CSMD3: variants seen among roughly 807,000 people sequenced by gnomAD.
CSMD3 encodes the protein CUB and sushi domain-containing protein 3.
A neutral mutation model predicts 435.2 loss-of-function variants in CSMD3; 177 were observed. That is an observed-to-expected ratio of 0.41 (90% confidence interval 0.36 to 0.46). The LOEUF (loss-of-function observed/expected upper bound fraction) is 0.46, where lower values mean the gene tolerates loss of function less well. CSMD3 is among the 20% of genes least tolerant of loss of function. CSMD3 has a pLI of 0.34. For synonymous variants in CSMD3, 1,656 were observed against 1,520.5 expected (o/e 1.09, Z -2.07); for missense variants, 4,265 against 4,504.6 (o/e 0.95, Z 1.52).
chr8:113,169,247 T>C (rs559980206), intron 4 of CSMD3, among the ~76,000 whole-genome samples: 1 of 152,302 alleles, frequency 6.6e-6, no homozygotes, highest in African/African-American at 2.4e-5. Context: ...GGAAGATTTA[T>C]TTTTCTTTGT....
chr8:112,725,651 T>G (rs1174989464), intron 13 of CSMD3, among the ~76,000 whole-genome samples: 3 of 151,956 alleles, frequency 2.0e-5, no homozygotes, highest in Non-Finnish European at 4.4e-5. Context: ...AAACTGCTTT[T>G]ATTTGCTCTT....
At chr8:112,354,520 T>C (rs1248824545) in intron 38 of CSMD3, among the ~76,000 whole-genome samples, 1 of 152,184 alleles carries the variant, frequency 6.6e-6, no homozygotes, top group African/African-American at 2.4e-5. Flanking sequence ...ATTTAATCAA[T>C]GCACAAAAAT....
chr8:113,199,081 T>C (rs924749417), intron 3 of CSMD3, among the ~76,000 whole-genome samples: 5 of 149,218 alleles, frequency 3.4e-5, no homozygotes, highest in South Asian at 2.1e-4. Context: ...AAATTAAACA[T>C]ATATTTAACT....
intron 27 of CSMD3, among the ~76,000 whole-genome samples, chr8:112,528,596 G>A (rs976691785): frequency 6.6e-6 from 1 of 152,046 alleles, no homozygotes; most frequent in African/African-American, 2.4e-5. Flanking sequence ...AAAGTAGAAA[G>A]TCCTGTACAC....
chr8:112,950,831 T>G (rs1449841056), intron 8 of CSMD3, among the ~76,000 whole-genome samples: 2 of 151,952 alleles, frequency 1.3e-5, no homozygotes, highest in African/African-American at 4.8e-5. Context: ...GCAGAAACTA[T>G]GTCATTAACT....
At chr8:112,568,462 G>A (rs544469492) in intron 24 of CSMD3, among the ~76,000 whole-genome samples, 30 of 151,998 alleles carry the variant, frequency 2.0e-4, no homozygotes, top group African/African-American at 5.1e-4. Flanking sequence ...AGGCATGGTG[G>A]TGGGCGCCTG....
intron 27 of CSMD3, among the ~76,000 whole-genome samples, chr8:112,530,049 A>T (rs878955559): frequency 1.3e-5 from 2 of 152,168 alleles, no homozygotes; most frequent in Admixed American, 1.3e-4. Flanking sequence ...CCAGCAGCAG[A>T]CTAGATCAAG....
chr8:113,420,647 A>C (rs1333443113), intron 1 of CSMD3, among the ~76,000 whole-genome samples: 1 of 152,138 alleles, frequency 6.6e-6, no homozygotes, highest in Non-Finnish European at 1.5e-5. Context: ...ATGTAATATA[A>C]AGTAAGAAAT....
At chr8:112,890,918 T>C (rs2081767692) in intron 10 of CSMD3, among the ~76,000 whole-genome samples, 1 of 151,656 alleles carries the variant, frequency 6.6e-6, no homozygotes, top group Non-Finnish European at 1.5e-5. Context: ...TACATTGTCT[T>C]ATTACTTATT....
chr8:113,077,063 G>A (rs972245274), intron 5 of CSMD3, among the ~76,000 whole-genome samples: 41 of 152,188 alleles, frequency 2.7e-4, no homozygotes, highest in African/African-American at 9.6e-4. Context: ...GAGCATGGTG[G>A]TGGTTACAAG....
At chr8:113,364,007 A>T (rs1183536059) in intron 1 of CSMD3, among the ~76,000 whole-genome samples, 3 of 152,156 alleles carry the variant, frequency 2.0e-5, no homozygotes, top group Non-Finnish European at 4.4e-5. Context: ...TGTGTTTCAC[A>T]TTTAGTTCTA....
intron 1 of CSMD3, among the ~76,000 whole-genome samples, chr8:113,412,135 A>G (rs1003601615): frequency 2.0e-5 from 3 of 152,144 alleles, no homozygotes; most frequent in Admixed American, 6.5e-5. Flanking sequence ...TATACAAGAG[A>G]GGAGAAATCA....
At chr8:113,063,666 C>T (rs2088715886) in intron 5 of CSMD3, among the ~76,000 whole-genome samples, 1 of 151,852 alleles carries the variant, frequency 6.6e-6, no homozygotes, top group African/African-American at 2.4e-5. Flanking sequence ...CATGTTACTG[C>T]ATTTTTACCT....
intron 22 of CSMD3, among the ~76,000 whole-genome samples, chr8:112,605,786 TA>T (rs1471759153): frequency 6.6e-6 from 1 of 152,120 alleles, no homozygotes; most frequent in African/African-American, 2.4e-5. Flanking sequence ...GAACCTAAAA[TA>T]AAACTTGGAA....
intron 69 of CSMD3, among the ~76,000 whole-genome samples, chr8:112,230,463 T>C (rs1490873942): frequency 1.3e-5 from 2 of 152,188 alleles, no homozygotes; most frequent in African/African-American, 4.8e-5. Flanking sequence ...TGTGACTTAG[T>C]ACTGCTATGT....
intron 32 of CSMD3, among the ~76,000 whole-genome samples, chr8:112,453,227 A>C (rs1249773546): frequency 6.6e-6 from 1 of 152,150 alleles, no homozygotes. Context: ...GCTTATTCTC[A>C]CCACCCCTAC....
At chr8:112,611,390 A>G (rs6991002) in intron 22 of CSMD3, among the ~76,000 whole-genome samples, 3 of 151,964 alleles carry the variant, frequency 2.0e-5, no homozygotes, top group Admixed American at 6.6e-5. Context: ...TCTTGGGTTT[A>G]ACCACTTTAA....
intron 3 of CSMD3, among the ~76,000 whole-genome samples, chr8:113,190,937 T>G (rs1211565136): frequency 6.6e-6 from 1 of 151,860 alleles, no homozygotes; most frequent in Non-Finnish European, 1.5e-5. Context: ...TTAAATCTCT[T>G]TCTAATACAT....
intron 11 of CSMD3, among the ~76,000 whole-genome samples, chr8:112,855,165 T>G (rs915905080): frequency 6.6e-6 from 1 of 152,160 alleles, no homozygotes; most frequent in Non-Finnish European, 1.5e-5. Flanking sequence ...ATGTGGCTAC[T>G]GGAAAATTTA....
Sources: allele counts gnomAD v4.1 joint callset (sites outside exome capture counted in the v4.1 genomes callset), GRCh38; gene constraint gnomAD v4.1.1; transcripts MANE v1.5; gene names NCBI Gene and HGNC (gene_info 2026-07-23, HGNC 2026-07-21).